KIF16B: variants seen among roughly 807,000 people sequenced by gnomAD.
KIF16B encodes kinesin family member 16B.
Under a neutral mutation model 156.3 loss-of-function variants are expected in KIF16B, and 98 were observed. The ratio of observed to expected loss-of-function variants is 0.63; its 90% CI spans 0.53 to 0.74. The LOEUF is 0.74. Among genes scored for constraint, KIF16B ranks in the 30% least tolerant of loss-of-function variants. The pLI is 0.00. For missense variants in KIF16B, 1,421 were observed against 1,606.5 expected (o/e 0.88, Z 1.97); for synonymous variants, 564 against 583.7 (o/e 0.97, Z 0.49).
intron 17 of KIF16B, among the ~76,000 whole-genome samples, chr20:16,396,406 A>G (rs2065502125): frequency 6.6e-6 from 1 of 152,222 alleles, no homozygotes; most frequent in African/African-American, 2.4e-5. Flanking sequence ...TCATATGGAC[A>G]TTAAAATAAT....
intron 1 of KIF16B, among the ~76,000 whole-genome samples, chr20:16,564,545 G>A (rs545112679): frequency 6.6e-6 from 1 of 152,080 alleles, no homozygotes; most frequent in South Asian, 2.1e-4. Flanking sequence ...ATAGCATTAG[G>A]AGATATACCT....
At position 16,403,618 on chromosome 20, in the gene KIF16B, C is replaced by T. The variant is rs114933470; in HGVS notation, c.1784+1195G>A. The stretch of plus-strand genomic sequence containing the variant: ...GGGGGTGGGGGCGCCCAGGAGTCCA[C>T]AGCCACAGTGCTGTACTACATGGCT... On this transcript the variant is annotated intron_variant, in intron 17 of 25. Coordinates refer to ENST00000354981, the MANE Select transcript of KIF16B (RefSeq NM_024704.5). 6.6e-3 allele frequency among the ~76,000 whole-genome samples: 1,007 copies of T among 152,324 alleles called. 14 individuals carry two copies. Among genetic ancestry groups the T allele is most frequent in the African/African-American group, 0.023 (965 of 41,566 alleles).
At chr20:16,325,055 T>A (rs953261041) in intron 24 of KIF16B, among the ~76,000 whole-genome samples, 2 of 152,048 alleles carry the variant, frequency 1.3e-5, no homozygotes, top group African/African-American at 4.8e-5. Flanking sequence ...AAAAATCCCA[T>A]GATCATCTCA....
intron 23 of KIF16B, among the ~76,000 whole-genome samples, chr20:16,341,142 T>C (rs1055673893): frequency 6.6e-6 from 1 of 152,206 alleles, no homozygotes; most frequent in Admixed American, 6.5e-5. Flanking sequence ...ACCTTTTCTA[T>C]GTACAGTTAA....
intron 1 of KIF16B, among the ~76,000 whole-genome samples, chr20:16,563,382 G>A (rs1030490618): frequency 6.6e-6 from 1 of 152,202 alleles, no homozygotes; most frequent in Non-Finnish European, 1.5e-5. Flanking sequence ...AAATCTCTCA[G>A]TCCTCAGGAA....
At chr20:16,533,438 C>T (rs1273881118) in intron 1 of KIF16B, among the ~76,000 whole-genome samples, 2 of 152,222 alleles carry the variant, frequency 1.3e-5, no homozygotes, top group Non-Finnish European at 2.9e-5. Flanking sequence ...TTAAAAAGCA[C>T]TGCTCTGATG....
chr20:16,447,329 C>T (rs1331790751), intron 12 of KIF16B, among the ~76,000 whole-genome samples: 1 of 151,382 alleles, frequency 6.6e-6, no homozygotes, highest in Non-Finnish European at 1.5e-5. Context: ...TTTTTTTAAT[C>T]ACTTTCTTGA....
intron 10 of KIF16B, among the ~76,000 whole-genome samples, chr20:16,500,566 G>C (rs1237192633): frequency 1.3e-5 from 2 of 152,032 alleles, no homozygotes; most frequent in Non-Finnish European, 2.9e-5. Context: ...CTGCTATTTC[G>C]AACAGTTTTG....
intron 1 of KIF16B, among the ~76,000 whole-genome samples, chr20:16,551,132 C>CTTCTTTTTT (rs55770608): frequency 2.2e-5 from 3 of 139,136 alleles, no homozygotes; most frequent in East Asian, 2.1e-4. Flanking sequence ...GCTTTCTCTT[C>CTTCTTTTTT]TTTTTTTTTT....
chr20:16,345,786 A>C (rs1327424292), intron 23 of KIF16B, among the ~76,000 whole-genome samples: 2 of 152,232 alleles, frequency 1.3e-5, no homozygotes, highest in Non-Finnish European at 2.9e-5. Flanking sequence ...AGGTGGCAGC[A>C]CTTGGAGCTC....
intron 1 of KIF16B, among the ~76,000 whole-genome samples, chr20:16,537,583 C>G (rs1352008979): frequency 1.3e-5 from 2 of 152,040 alleles, no homozygotes; most frequent in East Asian, 3.9e-4. Context: ...TTACCACACT[C>G]ATCCTCTTCC....
At chr20:16,413,784 A>C (rs2066017815) in intron 15 of KIF16B, among the ~76,000 whole-genome samples, 1 of 149,176 alleles carries the variant, frequency 6.7e-6, no homozygotes, top group African/African-American at 2.5e-5. Context: ...CTGTGAAAGC[A>C]AGCTCAGTGG....
rs532902080 is a variant in KIF16B at position 16,457,894 on chromosome 20, A to G, written c.1303-27912T>C. ...GCAAAATCCCTTTTTCCTTTTTGAG[A>G]AGAAAAAAAAAAAAATCTAACAAAA... On this transcript the variant is annotated intron_variant, in intron 12 of 25. Coordinates refer to ENST00000354981, the MANE Select transcript of KIF16B (RefSeq NM_024704.5). 9.9e-5 allele frequency among the ~76,000 whole-genome samples: 15 copies of G among 151,910 alleles called. No homozygotes were observed. In the East Asian group the frequency reaches 2.7e-3, roughly 27 times the overall value.
At chr20:16,409,982 T>TATATATATATATGTAGGTAC (rs2065887730) in intron 15 of KIF16B, among the ~76,000 whole-genome samples, 3 of 55,562 alleles carry the variant, frequency 5.4e-5, no homozygotes, top group Admixed American at 2.2e-4. Flanking sequence ...TATATATATA[T>TATATATATATATGTAGGTAC]ATATATATAT....
intron 23 of KIF16B, among the ~76,000 whole-genome samples, chr20:16,339,308 T>A (rs938163494): frequency 6.6e-6 from 1 of 152,222 alleles, no homozygotes; most frequent in East Asian, 1.9e-4. Context: ...CCTTCAAACA[T>A]CTTTTTCATT....
chr20:16,497,517 AAAG>A (rs1279284361), intron 11 of KIF16B, 93 bp downstream of exon 11: 1 of 938,376 alleles, frequency 1.1e-6, no homozygotes, highest in Non-Finnish European at 1.7e-6. Context: ...CAATAAAGAA[AAAG>A]AAGGCATCTC....
At chr20:16,368,805 GC>G in intron 22 of KIF16B, 1 of 985,828 alleles carries the variant, frequency 1.0e-6, no homozygotes, top group Non-Finnish European at 1.2e-6. Flanking sequence ...TGGCCTGCTT[GC>G]CTCCGCTATT....
intron 12 of KIF16B, among the ~76,000 whole-genome samples, chr20:16,439,846 G>A (rs1361694192): frequency 1.3e-5 from 2 of 152,110 alleles, no homozygotes; most frequent in African/African-American, 4.8e-5. Flanking sequence ...TCGCTATCAT[G>A]AGAACAGCAC....
At chr20:16,486,059 A>T (rs1002109508) in intron 12 of KIF16B, among the ~76,000 whole-genome samples, 1 of 152,144 alleles carries the variant, frequency 6.6e-6, no homozygotes, top group Non-Finnish European at 1.5e-5. Context: ...TTTATCAACA[A>T]AAGTATTTTA....
Sources: gnomAD v4.1 joint callset for allele counts (sites outside exome capture counted in the v4.1 genomes callset) on GRCh38, gnomAD v4.1.1 for gene constraint, MANE v1.5 for transcripts, NCBI Gene and HGNC (gene_info 2026-07-23, HGNC 2026-07-21) for gene names.